The following SAMMSON variants were observed in gnomAD, a reference collection of about 807,000 sequenced individuals.
The protein encoded by SAMMSON is long intergenic non-protein coding RNA 1212.
intron 6 of SAMMSON, among the ~76,000 whole-genome samples, chr3:70,255,252 A>G (rs186290880): frequency 6.6e-6 from 1 of 152,340 alleles, no homozygotes; most frequent in East Asian, 1.9e-4. Context: ...TAGTGGACCA[A>G]TGACACATAA....
chr3:70,394,558 A>T (rs1701076261), downstream of SAMMSON, among the ~76,000 whole-genome samples: 1 of 152,130 alleles, frequency 6.6e-6, no homozygotes, highest in African/African-American at 2.4e-5. Context: ...TTGAATATAC[A>T]CTGAGCTGCA....
At chr3:70,119,183 C>G (rs1003319311) in intron 4 of SAMMSON, among the ~76,000 whole-genome samples, 1 of 152,188 alleles carries the variant, frequency 6.6e-6, no homozygotes, top group Middle Eastern at 3.2e-3. Flanking sequence ...TCTCCTACCT[C>G]AGCCTCCTGA....
chr3:70,379,485 C>T (rs887246139), intron 9 of SAMMSON, among the ~76,000 whole-genome samples: 1 of 152,128 alleles, frequency 6.6e-6, no homozygotes, highest in African/African-American at 2.4e-5. Context: ...GAGAATTGCA[C>T]TGCGATGAAA....
chr3:70,037,771 A>G (rs567037795), intron 3 of SAMMSON, among the ~76,000 whole-genome samples: 1 of 152,260 alleles, frequency 6.6e-6, no homozygotes, highest in African/African-American at 2.4e-5. Context: ...ACACCCTTAG[A>G]TTGCTTCTCC....
chr3:70,086,446 A>G (rs762706968), intron 4 of SAMMSON, among the ~76,000 whole-genome samples: 5 of 152,246 alleles, frequency 3.3e-5, no homozygotes, highest in Non-Finnish European at 5.9e-5. Context: ...TTTCCTGCCC[A>G]TAATTTTACT....
chr3:70,427,950 GGACA>G (rs1286241471), intron 2 of SAMMSON, among the ~76,000 whole-genome samples: 8 of 151,870 alleles, frequency 5.3e-5, no homozygotes, highest in Non-Finnish European at 1.0e-4. Flanking sequence ...TACTAACAAT[GGACA>G]GTCAGGAAAT....
intron 4 of SAMMSON, among the ~76,000 whole-genome samples, chr3:70,156,030 C>T (rs1341647152): frequency 6.6e-6 from 1 of 151,992 alleles, no homozygotes; most frequent in Non-Finnish European, 1.5e-5. Flanking sequence ...GCAATTTGCT[C>T]AAAGCTTTAT....
Position 70,095,887 on chromosome 3 carries a change from A to G in SAMMSON, n.507+24322A>G, listed in dbSNP as rs188168713. ...TTGACGTATGGTTGCATCTCAATGCATATCACTGACACATATAAGATTATT... is the reference window on the plus strand; with the variant it reads ...TTGACGTATGGTTGCATCTCAATGCGTATCACTGACACATATAAGATTATT... On this transcript the variant is annotated intron_variant and non_coding_transcript_variant, in intron 4 of 9. Transcript: ENST00000642114. 5.3e-4 allele frequency: 80 copies of G among 152,348 alleles called. 1 individual carries two copies. The highest frequency in any genetic ancestry group is 8.5e-4 in the Admixed American group (13 of 15,304). 9.4% of individuals were successfully genotyped at this position (152,348 alleles called of 1,614,324 possible). A position where few individuals can be genotyped will look rare whatever the true frequency, so the allele number is the denominator to read the frequency against.
intron 7 of SAMMSON, among the ~76,000 whole-genome samples, chr3:70,294,634 G>T (rs1328814771): frequency 1.3e-5 from 2 of 152,034 alleles, no homozygotes; most frequent in African/African-American, 2.4e-5. Context: ...AACAGAAAAC[G>T]TCAACTCAAA....
intron 6 of SAMMSON, among the ~76,000 whole-genome samples, chr3:70,256,951 G>A (rs1701822349): frequency 6.6e-6 from 1 of 152,172 alleles, no homozygotes; most frequent in South Asian, 2.1e-4. Context: ...TCCACCCTGT[G>A]AAGCACAAGG....
intron 4 of SAMMSON, among the ~76,000 whole-genome samples, chr3:70,201,235 C>A (rs1038879557): frequency 6.6e-6 from 1 of 152,000 alleles, no homozygotes. Flanking sequence ...GTGTGTCGTT[C>A]CCCTCTCTGT....
chr3:70,101,959 A>C (rs566650547), intron 4 of SAMMSON, among the ~76,000 whole-genome samples: 5 of 152,336 alleles, frequency 3.3e-5, no homozygotes, highest in African/African-American at 1.2e-4. Flanking sequence ...GTAGTGTTCC[A>C]ATATTGGAAA....
intron 4 of SAMMSON, among the ~76,000 whole-genome samples, chr3:70,154,327 C>G (rs2067583302): frequency 1.3e-5 from 2 of 151,988 alleles, no homozygotes. Flanking sequence ...TATTATCTTC[C>G]TCATCTTATA....
intron 4 of SAMMSON, among the ~76,000 whole-genome samples, chr3:70,149,447 C>T (rs1320346915): frequency 1.3e-5 from 2 of 152,078 alleles, no homozygotes; most frequent in Admixed American, 6.6e-5. Context: ...GCAGCATCAG[C>T]TTCAGCTGGG....
chr3:70,084,757 T>G (rs2067279550), intron 4 of SAMMSON: 1 of 152,194 alleles, frequency 6.6e-6, no homozygotes, highest in South Asian at 2.1e-4. Context: ...AGAGACAATA[T>G]CTATTCAGCA....
chr3:70,323,767 G>T (rs1415221480), intron 7 of SAMMSON, among the ~76,000 whole-genome samples: 3 of 152,080 alleles, frequency 2.0e-5, no homozygotes, highest in Non-Finnish European at 4.4e-5. Context: ...ATACCTTATT[G>T]TTGTGAGGCC....
At chr3:70,005,331 G>A (rs1290626515) in intron 1 of SAMMSON, among the ~76,000 whole-genome samples, 3 of 146,314 alleles carry the variant, frequency 2.1e-5, no homozygotes, top group Non-Finnish European at 4.5e-5. Flanking sequence ...TGCTAGTAGA[G>A]CTTATCTGGG....
chr3:70,226,369 C>T (rs1194644335), intron 4 of SAMMSON, among the ~76,000 whole-genome samples: 1 of 152,066 alleles, frequency 6.6e-6, no homozygotes, highest in Non-Finnish European at 1.5e-5. Flanking sequence ...GGATGCAAAG[C>T]CCAGGAATTT....
chr3:70,011,974 G>C (rs1296610837), intron 1 of SAMMSON, among the ~76,000 whole-genome samples: 1 of 152,020 alleles, frequency 6.6e-6, no homozygotes, highest in Non-Finnish European at 1.5e-5. Flanking sequence ...TGGCAACGCT[G>C]TGAGTTAGAG....
Sources: allele counts gnomAD v4.1 joint callset (sites outside exome capture counted in the v4.1 genomes callset), GRCh38; gene constraint gnomAD v4.1.1; transcripts MANE v1.5; gene names NCBI Gene and HGNC (gene_info 2026-07-23, HGNC 2026-07-21).